The following OSCAR variants were observed in gnomAD, a reference collection of about 807,000 sequenced individuals.
OSCAR encodes osteoclast associated Ig-like receptor, also known as osteoclast-associated immunoglobulin-like receptor.
A neutral mutation model predicts 27.3 loss-of-function variants in OSCAR; 25 were observed. The ratio of observed to expected loss-of-function variants is 0.92; its 90% CI spans 0.67 to 1.28. The LOEUF (loss-of-function observed/expected upper bound fraction) is 1.28. Ranked by LOEUF, OSCAR falls within the 50% of genes most tolerant of loss-of-function variation. The probability of loss-of-function intolerance (pLI) is 0.00; values close to 1 mark genes in which losing one functional copy is unlikely to be tolerated. For missense variants in OSCAR, 354 were observed against 355.1 expected, an observed-to-expected ratio of 1.00 and a Z score of 0.03; for synonymous variants, 158 against 165.7, an observed-to-expected ratio of 0.95 and a Z score of 0.36.
At position 54,096,921 on chromosome 19, in the gene OSCAR, G is replaced by A. The variant is rs2072763277; in HGVS notation, c.314C>T (p.Pro105Leu). The change falls in exon 3 of 5, where the codon CCA becomes CTA. Residue 105 changes from proline (P) to leucine (L), a missense_variant. Transcript: ENST00000358375. ...GGACCAGACACCCGGCCCCCAGTCT[G>A]GCCTTCGGTAGCAGCAGCGGTAACT... ...GGSYRCCYRR[P>L]DWGPGVWSQP... 3.7e-6 allele frequency: 6 copies of A among 1,614,152 alleles called. No individual in the cohort carries two copies. The highest frequency in any genetic ancestry group is 5.1e-6 in the Non-Finnish European group (6 of 1,180,032).
Position 54,097,004 on chromosome 19 carries a change from A to G in OSCAR, c.231T>C (p.Asp77=). ...AGAATTCTGCCAGCTCGGAGGACAC[A>G]TCCCGGAAGAGAAGGGGAGCGATCT... ...PGEIAPLLFR[D]VSSELAEFFL... is the part of the protein sequence containing the mutation. Residue 77 remains aspartate, a synonymous_variant, in exon 3 of 5, where the codon GAT becomes GAC. Coordinates refer to ENST00000358375, the MANE Select transcript of OSCAR (RefSeq NM_133169.6). The G allele has an allele frequency of 2.5e-6, 4 of 1,614,150 alleles. No homozygotes were observed. Among genetic ancestry groups the G allele is most frequent in the Non-Finnish European group, 3.4e-6 (4 of 1,180,014 alleles).
intron 2 of OSCAR, among the ~76,000 whole-genome samples, chr19:54,098,563 GTGGCATGCACTT>G (rs2072869593): frequency 6.6e-6 from 1 of 151,230 alleles, no homozygotes; most frequent in African/African-American, 2.4e-5. Context: ...GAACTCCATG[GTGGCATGCACTT>G]TGGGAGGCTG....
At chr19:54,099,244 T>TTTTTTTTGTTTTTTTTTTG (rs2072916823) in intron 2 of OSCAR, among the ~76,000 whole-genome samples, 1 of 133,196 alleles carries the variant, frequency 7.5e-6, no homozygotes, top group Admixed American at 8.4e-5. Flanking sequence ...TTTTTTTTTT[T>TTTTTTTTGTTTTTTTTTTG]TTTTTTTTTA....
At chr19:54,100,269 C>T (rs1483098208) in intron 1 of OSCAR, among the ~76,000 whole-genome samples, 2 of 152,210 alleles carry the variant, frequency 1.3e-5, no homozygotes, top group Non-Finnish European at 2.9e-5. Flanking sequence ...ATCCATTGCC[C>T]ACCTACCGAA....
chr19:54,095,700 G>GGA (rs1288420482), intron 4 of OSCAR, 172 bp downstream of exon 4: 12 of 1,155,984 alleles, frequency 1.0e-5, no homozygotes, highest in Non-Finnish European at 1.4e-5. Flanking sequence ...ATCTGAGGGA[G>GGA]GAGGGGCTGG....
At chr19:54,095,678 C>T (rs587750365) in intron 4 of OSCAR, 194 bp downstream of exon 4, 21 of 1,060,336 alleles carry the variant, frequency 2.0e-5, no homozygotes, top group Admixed American at 1.7e-4. Context: ...AGCTGGAGGA[C>T]TAGACTCCTG....
intron 4 of OSCAR, 163 bp downstream of exon 4, chr19:54,095,709 G>A: frequency 8.3e-7 from 1 of 1,209,310 alleles, no homozygotes; most frequent in Non-Finnish European, 1.1e-6. Context: ...AGGAGGGGCT[G>A]GGTCCCAGGA....
rs2072634132 is a variant in OSCAR, at chr19:54,095,857, C to T, written c.655+15G>A. ...CCTGGGGCGGAGGAGGCGGGCCGGGCCTCAGGGCCCTCACCTTCCCAGCTG... is the reference window on the plus strand; with the variant it reads ...CCTGGGGCGGAGGAGGCGGGCCGGGTCTCAGGGCCCTCACCTTCCCAGCTG... On this transcript the variant is annotated intron_variant, in intron 4 of 4. Coordinates refer to ENST00000358375, the MANE Select transcript of OSCAR (RefSeq NM_133169.6). The T allele has an allele frequency of 6.4e-7, 1 of 1,552,554 alleles. No homozygotes were observed. Among genetic ancestry groups the T allele is most frequent in the South Asian group, 1.2e-5 (1 of 84,158 alleles).
In OSCAR at chr19:54,096,930, T is replaced by G. The variant is rs1187350618; in HGVS notation, c.305A>C (p.Tyr102Ser). 6.2e-7 allele frequency: 1 copy of G among 1,614,142 alleles called. No homozygotes were observed. The highest frequency in any genetic ancestry group is 1.1e-5 in the South Asian group (1 of 91,086). ...ACCCGGCCCCCAGTCTGGCCTTCGG[T>G]AGCAGCAGCGGTAACTTCCCCCTTG... ...PAQGGSYRCC[Y>S]RRPDWGPGVW... Residue 102 changes from tyrosine (Y) to serine (S), a missense_variant, in exon 3 of 5, where the codon TAC becomes TCC. Coordinates refer to ENST00000358375, the MANE Select transcript of OSCAR (RefSeq NM_133169.6).
chr19:54,099,773 C>CA lies in OSCAR; in HGVS notation c.44dup (p.Cys16ValfsTer17). On this transcript the variant is annotated frameshift_variant, in exon 2 of 5. Coordinates refer to ENST00000358375, the MANE Select transcript of OSCAR (RefSeq NM_133169.6). LOFTEE classifies it high-confidence loss of function. ...CAGACGGAGTGATGTCTGTGTGACA[C>CA]AGAGGCCCTGTAGGAGGTTGAGGGA... is the stretch of plus-strand genomic sequence containing the variant. 1 of 1,612,584 alleles carries CA rather than the reference C, an allele frequency of 6.2e-7. No homozygotes were observed. Among genetic ancestry groups the CA allele is most frequent in the Non-Finnish European group, 8.5e-7 (1 of 1,179,678 alleles).
intron 2 of OSCAR, chr19:54,099,468 T>C (rs2072934593): frequency 1.0e-6 from 1 of 987,254 alleles, no homozygotes; most frequent in African/African-American, 1.6e-5. Flanking sequence ...GAGAAGGAAA[T>C]GGAGTCTTAG....
chr19:54,096,748 G>C (rs143588675), intron 3 of OSCAR, 114 bp downstream of exon 3: 4 of 1,162,520 alleles, frequency 3.4e-6, no homozygotes, highest in South Asian at 3.1e-5. Context: ...GTCTTTTCTT[G>C]TGTCTGTGAA....
intron 2 of OSCAR, chr19:54,099,464 G>A: frequency 1.0e-6 from 1 of 968,294 alleles, no homozygotes; most frequent in East Asian, 2.4e-5. Flanking sequence ...TACAGAGAAG[G>A]AAATGGAGTC....
Position 54,096,082 on chromosome 19 carries a change from G to C in OSCAR, c.445C>G (p.Arg149Gly), listed in dbSNP as rs771152911. 2.0e-6 allele frequency: 3 copies of C among 1,534,610 alleles called. No individual in the cohort carries two copies. Among genetic ancestry groups the C allele is most frequent in the Non-Finnish European group, 1.7e-6 (2 of 1,146,070 alleles). The change falls in exon 4 of 5, where the codon CGC becomes GGC. Residue 149 changes from arginine (R) to glycine (G), a missense_variant. Transcript: ENST00000358375. ...VVGPGANVSL[R>G]CAGRLRNMSF... ...ATGTTCCGCAGGCGGCCCGCGCAGC[G>C]CAGGCTCACGTTGGCGCCAGGACCC...
rs940110843 is a variant in OSCAR, at chr19:54,095,305, G to A, written c.708C>T (p.Ala236=). The A allele has an allele frequency of 4.4e-6, 7 of 1,587,676 alleles. No individual in the cohort carries two copies. Among genetic ancestry groups the A allele is most frequent in the South Asian group, 1.1e-5 (1 of 87,308 alleles). ...TRGNLVRLGL[A]GLVLISLGAL... ...CGCCCAGGGAGATGAGGACCAGCCCGGCCAGCCCCAGGCGGACTAGGTTCC... is the reference window on the plus strand; with the variant it reads ...CGCCCAGGGAGATGAGGACCAGCCCAGCCAGCCCCAGGCGGACTAGGTTCC... Residue 236 remains alanine (A), a synonymous_variant, in exon 5 of 5, where the codon GCC becomes GCT. Transcript: ENST00000358375.
chr19:54,099,255 G>GTTTTTGTTTTTTT (rs1555783369), intron 2 of OSCAR, among the ~76,000 whole-genome samples: 1 of 22,094 alleles, frequency 4.5e-5, no homozygotes, highest in African/African-American at 1.5e-4. Context: ...TTTTTTTTTA[G>GTTTTTGTTTTTTT]TAGAGACGGG....
intron 2 of OSCAR, 34 bp downstream of exon 2, chr19:54,099,714 C>T: frequency 6.2e-7 from 1 of 1,613,650 alleles, no homozygotes; most frequent in East Asian, 2.2e-5. Context: ...GGGGTGTCAG[C>T]AACAAAAGGA....
intron 2 of OSCAR, among the ~76,000 whole-genome samples, chr19:54,099,149 G>C (rs587747865): frequency 1.3e-5 from 2 of 149,930 alleles, no homozygotes; most frequent in African/African-American, 4.9e-5. Flanking sequence ...TGCAACCTCT[G>C]CCTCCTGGGT....
At position 54,095,054 on chromosome 19, in the gene OSCAR, G is replaced by C. The variant is rs2072554408; in HGVS notation, c.*167C>G. On this transcript the variant is annotated 3_prime_UTR_variant, in exon 5 of 5. Coordinates refer to ENST00000358375, the MANE Select transcript of OSCAR (RefSeq NM_133169.6). ...CGTCTTCCTTTCAGCTACTCCTTGG[G>C]AAAGGCCTGGAAAGAAGCTACAGCA... is the stretch of plus-strand genomic sequence containing the variant. The C allele has an allele frequency of 1.7e-6, 2 of 1,164,790 alleles. No individual in the cohort carries two copies. The allele number at this position is 1,164,790 out of a possible 1,614,324, so 72.2% of individuals were successfully genotyped here.
Sources: allele counts gnomAD v4.1 joint callset (sites outside exome capture counted in the v4.1 genomes callset), GRCh38; gene constraint gnomAD v4.1.1; transcripts MANE v1.5; gene names NCBI Gene and HGNC (gene_info 2026-07-23, HGNC 2026-07-21).